DLGAP2: variants seen among roughly 807,000 people sequenced by gnomAD.
DLGAP2 encodes the protein disks large-associated protein 2.
Under a neutral mutation model 100.3 loss-of-function variants are expected in DLGAP2, and 26 were observed. That is an observed-to-expected ratio of 0.26 (90% CI 0.19 to 0.36). The LOEUF is 0.36. DLGAP2 is among the 10% of genes least tolerant of loss of function. The pLI is 1.00. For missense variants in DLGAP2, 1,858 were observed against 1,453.2 expected, an observed-to-expected ratio of 1.28 and a Z score of -4.53; for synonymous variants, 886 against 630.1, an observed-to-expected ratio of 1.41 and a Z score of -6.08.
chr8:1,337,812 G>A (rs1801323478), intron 3 of DLGAP2, among the ~76,000 whole-genome samples: 1 of 152,204 alleles, frequency 6.6e-6, no homozygotes, highest in Non-Finnish European at 1.5e-5. Flanking sequence ...AGACTCTAGT[G>A]TCTGGGTTAT....
intron 8 of DLGAP2, among the ~76,000 whole-genome samples, chr8:1,633,550 C>G (rs1797702206): frequency 6.6e-6 from 1 of 152,190 alleles, no homozygotes; most frequent in Admixed American, 6.5e-5. Context: ...CTCAGTCTCG[C>G]AATTTCCTTT....
Position 1,495,130 on chromosome 8 carries a change from G to A in DLGAP2, c.107-6236G>A, listed in dbSNP as rs1016419369. ...TGCCCTCCCTTCCCTGCCAAGATCA[G>A]ACGGGGGCCAGCGTCAAGGTCAATG... On this transcript the variant is annotated intron_variant, in intron 3 of 14. Coordinates refer to ENST00000637795, the MANE Select transcript of DLGAP2 (RefSeq NM_001346810.2). 1.1e-4 allele frequency among the ~76,000 whole-genome samples: 16 copies of A among 152,210 alleles called. 1 individual carries two copies. The highest frequency in any genetic ancestry group is 9.2e-4 in the Admixed American group (14 of 15,290).
rs191749758 is a variant in DLGAP2 at position 1,684,971 on chromosome 8, C to T, written c.2704+6342C>T. Among the ~76,000 whole-genome samples, 9 of 152,086 alleles carry T rather than the reference C, an allele frequency of 5.9e-5. No individual in the cohort carries two copies. In the South Asian group the frequency reaches 6.2e-4, roughly 11 times the overall value. On this transcript the variant is annotated intron_variant, in intron 12 of 14. Coordinates refer to ENST00000637795, the MANE Select transcript of DLGAP2 (RefSeq NM_001346810.2). Reference sequence around the variant, plus strand: ...AGTAACGAATAACCTACATGTTCACCGGGTCAGATGCACATTCAAGGCAAA... The same window carrying T: ...AGTAACGAATAACCTACATGTTCACTGGGTCAGATGCACATTCAAGGCAAA...
At chr8:958,598 A>C (rs928152770) in intron 2 of DLGAP2, among the ~76,000 whole-genome samples, 2 of 151,884 alleles carry the variant, frequency 1.3e-5, no homozygotes, top group African/African-American at 2.4e-5. Flanking sequence ...AAAAAAAAAA[A>C]AAAAAACTTT....
intron 1 of DLGAP2, among the ~76,000 whole-genome samples, chr8:871,045 C>T (rs920421237): frequency 2.0e-5 from 3 of 152,214 alleles, no homozygotes; most frequent in Non-Finnish European, 4.4e-5. Context: ...TCCCCTTAAC[C>T]TTCCCTGAGA....
At chr8:1,220,431 G>A (rs1196948408) in intron 2 of DLGAP2, among the ~76,000 whole-genome samples, 1 of 152,130 alleles carries the variant, frequency 6.6e-6, no homozygotes, top group Non-Finnish European at 1.5e-5. Flanking sequence ...TGTTCTTGGT[G>A]TTGATCTCTG....
chr8:1,177,406 C>A (rs1157894409), intron 2 of DLGAP2, among the ~76,000 whole-genome samples: 13 of 152,064 alleles, frequency 8.5e-5, no homozygotes. Context: ...GTTCTGCCAT[C>A]TGTTGTCAGG....
chr8:1,033,522 G>A (rs902836039), intron 2 of DLGAP2, among the ~76,000 whole-genome samples: 3 of 152,166 alleles, frequency 2.0e-5, no homozygotes, highest in Non-Finnish European at 2.9e-5. Flanking sequence ...ACAGAAACTA[G>A]CTGGGCATGG....
chr8:1,029,251 T>G (rs992461181), intron 2 of DLGAP2, among the ~76,000 whole-genome samples: 1 of 152,160 alleles, frequency 6.6e-6, no homozygotes, highest in Non-Finnish European at 1.5e-5. Context: ...GATTTGGATG[T>G]CAACTGAAGC....
intron 11 of DLGAP2, among the ~76,000 whole-genome samples, chr8:1,676,869 G>C (rs191116349): frequency 3.9e-5 from 6 of 152,304 alleles, no homozygotes; most frequent in African/African-American, 9.6e-5. Flanking sequence ...AGCAGCTGAC[G>C]GCCTGAAAGT....
chr8:1,222,611 C>T (rs1286187561), intron 2 of DLGAP2, among the ~76,000 whole-genome samples: 1 of 142,124 alleles, frequency 7.0e-6, no homozygotes. Context: ...TGCATGCTGG[C>T]GGGGGAAGGC....
intron 1 of DLGAP2, among the ~76,000 whole-genome samples, chr8:866,386 GA>G (rs1352735408): frequency 2.0e-5 from 3 of 152,212 alleles, no homozygotes; most frequent in African/African-American, 7.2e-5. Flanking sequence ...ACCAGACCAG[GA>G]GAGCCCAGGG....
At chr8:1,106,896 G>A (rs576571075) in intron 2 of DLGAP2, among the ~76,000 whole-genome samples, 3 of 152,206 alleles carry the variant, frequency 2.0e-5, no homozygotes, top group East Asian at 1.9e-4. Context: ...TTTGGACTCT[G>A]TAGAGGATAA....
At chr8:1,004,500 A>T (rs1801049706) in intron 2 of DLGAP2, among the ~76,000 whole-genome samples, 7 of 152,188 alleles carry the variant, frequency 4.6e-5, no homozygotes, top group Admixed American at 4.6e-4. Flanking sequence ...AGTCGGCCAC[A>T]ATCAGGGTTG....
At chr8:1,083,942 T>G (rs907273675) in intron 2 of DLGAP2, among the ~76,000 whole-genome samples, 6 of 152,202 alleles carry the variant, frequency 3.9e-5, no homozygotes, top group African/African-American at 1.4e-4. Context: ...TTTTAAAAAA[T>G]TGGTGCATTT....
intron 1 of DLGAP2, among the ~76,000 whole-genome samples, chr8:746,993 C>G (rs995169643): frequency 6.6e-6 from 1 of 152,160 alleles, no homozygotes; most frequent in African/African-American, 2.4e-5. Context: ...CCCCTCACAT[C>G]TCACCATGTC....
At chr8:946,326 C>T (rs542899118) in intron 2 of DLGAP2, among the ~76,000 whole-genome samples, 3 of 149,542 alleles carry the variant, frequency 2.0e-5, no homozygotes, top group African/African-American at 5.0e-5. Context: ...TGCAGTGGTG[C>T]GATCTGGGCT....
chr8:1,103,871 G>A (rs1001184224), intron 2 of DLGAP2, among the ~76,000 whole-genome samples: 14 of 152,320 alleles, frequency 9.2e-5, no homozygotes, highest in Middle Eastern at 3.4e-3. Flanking sequence ...AAATCAGTTC[G>A]AGGGGTCCCC....
At chr8:1,121,802 C>G (rs1462823726) in intron 2 of DLGAP2, among the ~76,000 whole-genome samples, 4 of 152,112 alleles carry the variant, frequency 2.6e-5, no homozygotes, top group East Asian at 1.9e-4. Flanking sequence ...CCCGTGGCCT[C>G]TCATCCTCAT....
Sources: allele counts gnomAD v4.1 joint callset (sites outside exome capture counted in the v4.1 genomes callset), GRCh38; gene constraint gnomAD v4.1.1; transcripts MANE v1.5; gene names NCBI Gene and HGNC (gene_info 2026-07-23, HGNC 2026-07-21).